Variants in RBFOX1 observed in about 807,000 individuals in gnomAD.
RBFOX1 encodes the protein RNA binding protein fox-1 homolog 1.
RBFOX1 carries 8 observed loss-of-function variants against 57.7 expected under a neutral mutation model. The ratio of observed to expected loss-of-function variants is 0.14; its 90% CI spans 0.08 to 0.25. RBFOX1 has a LOEUF of 0.25. RBFOX1 is among the 10% of genes least tolerant of loss of function. The pLI is 1.00. For synonymous variants in RBFOX1, 326 were observed against 222.4 expected (o/e 1.47, Z -4.15); for missense variants, 611 against 548.5 (o/e 1.11, Z -1.14).
chr16:6,554,357 C>G (rs966745250), intron 2 of RBFOX1, among the ~76,000 whole-genome samples: 2 of 151,998 alleles, frequency 1.3e-5, no homozygotes, highest in African/African-American at 2.4e-5. Context: ...TATAGAGATG[C>G]GAAGTAGATT....
At chr16:5,415,945 T>G (rs936991426) in intron 1 of RBFOX1, among the ~76,000 whole-genome samples, 2 of 152,168 alleles carry the variant, frequency 1.3e-5, no homozygotes, top group African/African-American at 4.8e-5. Flanking sequence ...TCTGCATGTG[T>G]GTGGACTCAG....
intron 1 of RBFOX1, among the ~76,000 whole-genome samples, chr16:5,445,530 T>C (rs2068215289): frequency 6.6e-6 from 1 of 152,228 alleles, no homozygotes. Flanking sequence ...GTCAATGCAC[T>C]CCTACTTGTA....
At chr16:5,369,527 A>C (rs1012472939) in intron 1 of RBFOX1, among the ~76,000 whole-genome samples, 4 of 152,360 alleles carry the variant, frequency 2.6e-5, no homozygotes, top group African/African-American at 9.6e-5. Context: ...TCCGTGGTAC[A>C]TGCTGCTATC....
chr16:7,427,392 T>C (rs975822841), intron 4 of RBFOX1, among the ~76,000 whole-genome samples: 1 of 152,158 alleles, frequency 6.6e-6, no homozygotes, highest in African/African-American at 2.4e-5. Context: ...ACCCCCAAGT[T>C]TGAGAGCCCC....
chr16:5,763,524 C>G (rs1177877672), intron 3 of RBFOX1, among the ~76,000 whole-genome samples: 1 of 152,246 alleles, frequency 6.6e-6, no homozygotes, highest in African/African-American at 2.4e-5. Flanking sequence ...TTTACCTTTC[C>G]TTATCCCCAT....
At chr16:6,921,863 G>A (rs76119576) in intron 3 of RBFOX1, among the ~76,000 whole-genome samples, 2,143 of 152,094 alleles carry the variant, frequency 0.014, 57 homozygotes, top group African/African-American at 0.05. Flanking sequence ...GCAAGTCCCA[G>A]GTCTACCCAT....
At chr16:7,393,276 A>T (rs899988450) in intron 4 of RBFOX1, among the ~76,000 whole-genome samples, 3 of 152,154 alleles carry the variant, frequency 2.0e-5, no homozygotes, top group Admixed American at 6.5e-5. Flanking sequence ...ATCTCACTTC[A>T]GACCTTAATC....
At chr16:6,776,831 C>T (rs1603620142) in intron 3 of RBFOX1, among the ~76,000 whole-genome samples, 1 of 152,080 alleles carries the variant, frequency 6.6e-6, no homozygotes, top group South Asian at 2.1e-4. Context: ...AAATGCTTTG[C>T]TGTTTTATTT....
chr16:5,463,469 G>A (rs956560231), intron 1 of RBFOX1, among the ~76,000 whole-genome samples: 2 of 152,054 alleles, frequency 1.3e-5, no homozygotes, highest in African/African-American at 4.8e-5. Flanking sequence ...GAAATAAATG[G>A]ATCCAAGTGC....
At chr16:5,823,883 T>C (rs903970262) in intron 3 of RBFOX1, among the ~76,000 whole-genome samples, 1 of 152,176 alleles carries the variant, frequency 6.6e-6, no homozygotes. Flanking sequence ...AAAGTAATAA[T>C]ATAAATGAAG....
intron 1 of RBFOX1, among the ~76,000 whole-genome samples, chr16:5,391,124 G>A (rs11643947): frequency 0.38 from 57,639 of 152,040 alleles, 11,187 homozygotes; most frequent in Non-Finnish European, 0.41. Flanking sequence ...AGACATACAC[G>A]TTAGGTTGTG....
intron 3 of RBFOX1, among the ~76,000 whole-genome samples, chr16:6,676,560 A>C (rs2057725727): frequency 6.6e-6 from 1 of 152,140 alleles, no homozygotes; most frequent in South Asian, 2.1e-4. Flanking sequence ...TACCCCTATC[A>C]ATATGTAAGC....
At chr16:6,495,609 C>T (rs918403835) in intron 2 of RBFOX1, among the ~76,000 whole-genome samples, 1 of 152,230 alleles carries the variant, frequency 6.6e-6, no homozygotes, top group African/African-American at 2.4e-5. Context: ...CAGCCCTTAG[C>T]TCACAGCTCT....
chr16:6,418,966 G>A (rs1053941775), intron 2 of RBFOX1, among the ~76,000 whole-genome samples: 1 of 152,174 alleles, frequency 6.6e-6, no homozygotes, highest in Non-Finnish European at 1.5e-5. Context: ...TTTGGAAAAA[G>A]CGTATGTATG....
chr16:6,252,439 T>G (rs1567778955), intron 1 of RBFOX1, among the ~76,000 whole-genome samples: 1 of 152,154 alleles, frequency 6.6e-6, no homozygotes, highest in Non-Finnish European at 1.5e-5. Context: ...TCCAAGTTGT[T>G]CTTAAAGTGT....
intron 2 of RBFOX1, among the ~76,000 whole-genome samples, chr16:6,582,247 A>T (rs189311376): frequency 1.3e-5 from 2 of 152,352 alleles, no homozygotes; most frequent in East Asian, 1.9e-4. Flanking sequence ...TTAATAGCTC[A>T]TTGAATTTAT....
chr16:5,424,874 TTTTTCTTTC>T lies in RBFOX1; in HGVS notation c.220-42338_220-42330del, dbSNP rs1192103621. On this transcript the variant is annotated intron_variant, in intron 1 of 2. Coordinates refer to the RBFOX1 transcript ENST00000585867. Reference sequence around the variant, plus strand: ...CTCTCTCTCTCTTCTTTCTTTCTTTTTTTTCTTTCTTTCTTTCTTTCTTTCTTTCTTTCT... The same window carrying T: ...CTCTCTCTCTCTTCTTTCTTTCTTTTTTTCTTTCTTTCTTTCTTTCTTTCT... Among the ~76,000 whole-genome samples, 132 of 96,750 alleles carry T rather than the reference TTTTTCTTTC, an allele frequency of 1.4e-3. 8 individuals are homozygous for T. The highest frequency in any genetic ancestry group is 4.7e-3 in the African/African-American group (121 of 25,572). 63.5% of individuals were successfully genotyped at this position (96,750 alleles called of 152,430 possible).
At chr16:6,655,462 C>T (rs1326228058) in intron 3 of RBFOX1, among the ~76,000 whole-genome samples, 1 of 146,652 alleles carries the variant, frequency 6.8e-6, no homozygotes. Flanking sequence ...CAACAGCGTC[C>T]TATCTGAGAT....
intron 2 of RBFOX1, among the ~76,000 whole-genome samples, chr16:6,582,875 A>T (rs1310153971): frequency 6.9e-6 from 1 of 145,620 alleles, no homozygotes; most frequent in East Asian, 2.1e-4. Flanking sequence ...CTACAGTTCC[A>T]GCTGGTTTTC....
Sources: allele counts gnomAD v4.1 joint callset (sites outside exome capture counted in the v4.1 genomes callset), GRCh38; gene constraint gnomAD v4.1.1; transcripts MANE v1.5; gene names NCBI Gene and HGNC (gene_info 2026-07-23, HGNC 2026-07-21).